Variants in PALS1 observed in about 807,000 individuals in gnomAD.
PALS1 encodes the protein protein associated with LIN7 1, MAGUK p55 family member.
A neutral mutation model predicts 78.9 loss-of-function variants in PALS1; 31 were observed. That is an observed-to-expected ratio of 0.39 (90% CI 0.30 to 0.53). The LOEUF (loss-of-function observed/expected upper bound fraction) is 0.53, where lower values mean the gene tolerates loss of function less well. Ranked by LOEUF, PALS1 falls within the 20% of genes least tolerant of loss-of-function variation. The pLI is 0.67. For synonymous variants in PALS1, 276 were observed against 270.9 expected, an observed-to-expected ratio of 1.02 and a Z score of -0.18; for missense variants, 704 against 826.5, an observed-to-expected ratio of 0.85 and a Z score of 1.82.
intron 9 of PALS1, among the ~76,000 whole-genome samples, chr14:67,315,818 G>C (rs1475543299): frequency 6.6e-6 from 1 of 152,146 alleles, no homozygotes; most frequent in Non-Finnish European, 1.5e-5. Flanking sequence ...CCAGCTGCTC[G>C]GGAGGCTGAG....
intron 6 of PALS1, 92 bp from the exon 7 acceptor site, chr14:67,302,318 A>G (rs952600781): frequency 1.7e-5 from 19 of 1,125,506 alleles, no homozygotes; most frequent in Non-Finnish European, 2.2e-5. Flanking sequence ...GAAGGTTAGT[A>G]TTGTTGAATG....
At chr14:67,251,918 A>G (rs997003335) in intron 1 of PALS1, among the ~76,000 whole-genome samples, 3 of 152,228 alleles carry the variant, frequency 2.0e-5, no homozygotes, top group African/African-American at 7.2e-5. Context: ...ATAGCCAGTC[A>G]CCAATGGCCA....
intron 2 of PALS1, chr14:67,270,250 AC>A (rs2084388586): frequency 1.3e-5 from 2 of 151,918 alleles, no homozygotes; most frequent in Middle Eastern, 3.4e-3. Context: ...CGCAACTAAA[AC>A]CCTTTCTCCC....
In PALS1 at chr14:67,302,312, G is replaced by T. The variant is rs565716287; in HGVS notation, c.802-98G>T. 17 of 1,092,208 alleles carry T rather than the reference G, an allele frequency of 1.6e-5. No individual in the cohort carries two copies. The South Asian group carries it at 3.0e-4, about 19-fold the overall frequency. The allele number at this position is 1,092,208 out of a possible 1,614,324, so 67.7% of individuals were successfully genotyped here. On this transcript the variant is annotated intron_variant, in intron 6 of 14. Coordinates refer to ENST00000261681, the MANE Select transcript of PALS1 (RefSeq NM_022474.4). ...AAATTTTTTCTTAAGATAACTGAAG[G>T]TTAGTATTGTTGAATGGAAAAAATA...
At chr14:67,305,018 A>G (rs1004208745) in intron 8 of PALS1, among the ~76,000 whole-genome samples, 3 of 152,186 alleles carry the variant, frequency 2.0e-5, no homozygotes, top group Non-Finnish European at 2.9e-5. Flanking sequence ...TGTATCTGCA[A>G]CCTACTTTAT....
rs150511527 is a variant in PALS1, at chr14:67,323,615, A to AATATATATATATATATATATAT, written c.1741-86_1741-65dup. The AATATATATATATATATATATAT allele has an allele frequency of 1.5e-3, 384 of 260,090 alleles. 1 individual carries two copies. Among genetic ancestry groups the AATATATATATATATATATATAT allele is most frequent in the Non-Finnish European group, 2.1e-3 (297 of 144,152 alleles). 16.1% of individuals were successfully genotyped at this position (260,090 alleles called of 1,614,324 possible). ...GGCAACAGAGCAAGTCCCTTAATCT[A>AATATATATATATATATATATAT]ATATATATATATATATATATATCAG... On this transcript the variant is annotated intron_variant, in intron 13 of 14. Coordinates refer to ENST00000261681, the MANE Select transcript of PALS1 (RefSeq NM_022474.4).
Position 67,335,770 on chromosome 14 carries a change from C to T in PALS1, c.*2814C>T, listed in dbSNP as rs1369834676. ...TTATTTTGAGATGTCATACTGTACA[C>T]TGTATTGTAAAAATAAAAAGTAAAA... On this transcript the variant is annotated 3_prime_UTR_variant, in exon 15 of 15. Coordinates refer to ENST00000261681, the MANE Select transcript of PALS1 (RefSeq NM_022474.4). 1.3e-5 allele frequency: 2 copies of T among 152,632 alleles called. No homozygotes were observed. Among genetic ancestry groups the T allele is most frequent in the African/African-American group, 4.8e-5 (2 of 41,436 alleles). The allele number at this position is 152,632 out of a possible 1,614,324, so 9.5% of individuals were successfully genotyped here.
At chr14:67,246,338 A>G (rs2083987518) in intron 1 of PALS1, among the ~76,000 whole-genome samples, 1 of 150,628 alleles carries the variant, frequency 6.6e-6, no homozygotes, top group Admixed American at 6.6e-5. Context: ...TATGTTGCCC[A>G]GACTGTATTA....
intron 14 of PALS1, among the ~76,000 whole-genome samples, chr14:67,329,592 C>T (rs1160162786): frequency 6.6e-6 from 1 of 152,106 alleles, no homozygotes; most frequent in Non-Finnish European, 1.5e-5. Flanking sequence ...TTTGTCCATT[C>T]AGTATGATAT....
chr14:67,280,853 T>TTCCCACCC (rs2084596722), intron 3 of PALS1, among the ~76,000 whole-genome samples: 1 of 77,610 alleles, frequency 1.3e-5, no homozygotes, highest in African/African-American at 1.0e-4. Flanking sequence ...CCTTCCTTCC[T>TTCCCACCC]TCCCTCCCTC....
At chr14:67,327,854 T>TAA (rs2085382413) in intron 14 of PALS1, among the ~76,000 whole-genome samples, 1 of 152,238 alleles carries the variant, frequency 6.6e-6, no homozygotes, top group African/African-American at 2.4e-5. Flanking sequence ...TTCCATGGTG[T>TAA]ATATGTGCCA....
chr14:67,288,186 TCTCCTGCCTCAGC>T (rs1433506625), intron 3 of PALS1, among the ~76,000 whole-genome samples: 9 of 152,080 alleles, frequency 5.9e-5, no homozygotes, highest in African/African-American at 1.7e-4. Flanking sequence ...TTCAAGCGAT[TCTCCTGCCTCAGC>T]CTCCCAAGTA....
At chr14:67,252,231 C>T (rs1040456573) in intron 1 of PALS1, among the ~76,000 whole-genome samples, 2 of 151,970 alleles carry the variant, frequency 1.3e-5, no homozygotes, top group African/African-American at 4.8e-5. Context: ...GCTCTGTCAC[C>T]CAGGCTGGAG....
intron 14 of PALS1, among the ~76,000 whole-genome samples, chr14:67,325,204 C>T (rs2085333540): frequency 6.6e-6 from 1 of 152,178 alleles, no homozygotes; most frequent in Non-Finnish European, 1.5e-5. Context: ...CAGGCCCAGC[C>T]TCCTTTCATT....
intron 1 of PALS1, among the ~76,000 whole-genome samples, chr14:67,253,782 G>A (rs1344513821): frequency 1.3e-5 from 2 of 151,820 alleles, no homozygotes; most frequent in Admixed American, 1.3e-4. Flanking sequence ...TCAAGGCTGT[G>A]GTGAGCCATG....
chr14:67,322,375 T>C (rs771392977), intron 13 of PALS1, among the ~76,000 whole-genome samples: 8 of 152,072 alleles, frequency 5.3e-5, no homozygotes, highest in Non-Finnish European at 1.0e-4. Context: ...AACCTAATTT[T>C]AGAAACTTGG....
chr14:67,277,630 G>A (rs1281607572), intron 2 of PALS1, among the ~76,000 whole-genome samples: 1 of 151,974 alleles, frequency 6.6e-6, no homozygotes, highest in Non-Finnish European at 1.5e-5. Context: ...GATTTAATGT[G>A]TGGGTTTACA....
At chr14:67,265,316 G>A (rs2084305159) in intron 1 of PALS1, among the ~76,000 whole-genome samples, 1 of 152,066 alleles carries the variant, frequency 6.6e-6, no homozygotes, top group African/African-American at 2.4e-5. Flanking sequence ...TCAGAGATTC[G>A]GGAGGCTGAG....
intron 4 of PALS1, among the ~76,000 whole-genome samples, chr14:67,296,255 A>G (rs569013604): frequency 6.6e-6 from 1 of 152,280 alleles, no homozygotes; most frequent in South Asian, 2.1e-4. Flanking sequence ...TGAGAGAGAA[A>G]GCCTGGCAAA....
Sources: allele counts gnomAD v4.1 joint callset (sites outside exome capture counted in the v4.1 genomes callset), GRCh38; gene constraint gnomAD v4.1.1; transcripts MANE v1.5; gene names NCBI Gene and HGNC (gene_info 2026-07-23, HGNC 2026-07-21).